FRMD5: variants seen among roughly 807,000 people sequenced by gnomAD.
FRMD5 encodes FERM domain-containing protein 5.
FRMD5 carries 20 observed loss-of-function variants against 69.0 expected under a neutral mutation model. The observed-to-expected ratio is 0.29, with a 90% CI of 0.20 to 0.42. FRMD5 has a LOEUF of 0.42. Ranked by LOEUF, FRMD5 falls within the 10% of genes least tolerant of loss-of-function variation. The pLI is 1.00. For missense variants in FRMD5, 595 were observed against 708.6 expected, an observed-to-expected ratio of 0.84 and a Z score of 1.82; for synonymous variants, 271 against 260.1, an observed-to-expected ratio of 1.04 and a Z score of -0.40.
In FRMD5 at chr15:43,902,376, G is replaced by A. The variant is rs1190309093; in HGVS notation, c.552-114C>T. ...GAGCCACACATCTCAGTTTGTCTAG[G>A]GTGTGCTCCCTGCTTGGTTCTAGGA... On this transcript the variant is annotated intron_variant, in intron 6 of 13. Transcript: ENST00000417257. The A allele has an allele frequency of 6.8e-6, 6 of 876,996 alleles. No homozygotes were observed. The African/African-American group carries it at 8.3e-5, about 12-fold the overall frequency. The allele number at this position is 876,996 out of a possible 1,614,324, so 54.3% of individuals were successfully genotyped here. A position where few individuals can be genotyped will look rare whatever the true frequency, so the allele number is the denominator to read the frequency against.
At chr15:44,017,614 C>CTTT (rs34121302) in intron 1 of FRMD5, among the ~76,000 whole-genome samples, 3 of 135,322 alleles carry the variant, frequency 2.2e-5, no homozygotes, top group Non-Finnish European at 3.2e-5. Flanking sequence ...CCAAATATTT[C>CTTT]TTTTTTTTTT....
chr15:44,088,115 G>C (rs1370135071), intron 1 of FRMD5, among the ~76,000 whole-genome samples: 2 of 152,108 alleles, frequency 1.3e-5, no homozygotes, highest in African/African-American at 4.8e-5. Context: ...TTCTAGTTGA[G>C]ATAGGCAAAA....
At chr15:44,158,762 A>C (rs1048302037) in intron 1 of FRMD5, among the ~76,000 whole-genome samples, 26 of 152,228 alleles carry the variant, frequency 1.7e-4, no homozygotes, top group African/African-American at 6.0e-4. Flanking sequence ...ATCAAGAGCT[A>C]ATTTGCATAG....
chr15:44,142,129 G>A (rs2077283203), intron 1 of FRMD5, among the ~76,000 whole-genome samples: 2 of 152,224 alleles, frequency 1.3e-5, no homozygotes, highest in South Asian at 2.1e-4. Context: ...GATTTAAAAT[G>A]TTGATCAAGA....
At chr15:43,883,882 C>T in intron 12 of FRMD5, 73 bp from the exon 13 acceptor site, 1 of 1,068,124 alleles carries the variant, frequency 9.4e-7, no homozygotes, top group South Asian at 1.3e-5. Flanking sequence ...GAATTGAGTA[C>T]TGGCTACTAG....
chr15:44,035,864 G>A (rs1420108962), intron 1 of FRMD5, among the ~76,000 whole-genome samples: 1 of 152,154 alleles, frequency 6.6e-6, no homozygotes, highest in South Asian at 2.1e-4. Context: ...GGTGACATCA[G>A]GTACTTTGTA....
chr15:44,098,143 C>A (rs2076582400), intron 1 of FRMD5, among the ~76,000 whole-genome samples: 1 of 148,560 alleles, frequency 6.7e-6, no homozygotes, highest in Non-Finnish European at 1.5e-5. Context: ...ACAACAACAA[C>A]AAAAAACTAA....
chr15:43,958,573 C>T (rs1595560344), intron 1 of FRMD5, among the ~76,000 whole-genome samples: 2 of 152,256 alleles, frequency 1.3e-5, no homozygotes, highest in East Asian at 3.9e-4. Flanking sequence ...ACTGGGACTA[C>T]AGGTGTGTGT....
At chr15:43,921,643 A>G (rs1045262191) in intron 2 of FRMD5, among the ~76,000 whole-genome samples, 7 of 152,202 alleles carry the variant, frequency 4.6e-5, no homozygotes, top group African/African-American at 1.4e-4. Flanking sequence ...ACTAGCAAAC[A>G]GACAACATGG....
intron 12 of FRMD5, among the ~76,000 whole-genome samples, chr15:43,884,483 T>C (rs3742982): frequency 0.16 from 24,431 of 152,098 alleles, 2,572 homozygotes; most frequent in African/African-American, 0.28. Context: ...CAGAAGAGAA[T>C]TGCCAAGTGA....
At chr15:43,998,333 AAAG>A (rs1265874945) in intron 1 of FRMD5, among the ~76,000 whole-genome samples, 1 of 152,228 alleles carries the variant, frequency 6.6e-6, no homozygotes, top group African/African-American at 2.4e-5. Flanking sequence ...GAAGACAAGT[AAAG>A]AAATCATTTC....
At chr15:43,990,033 C>T (rs1488164953) in intron 1 of FRMD5, 10 of 802,228 alleles carry the variant, frequency 1.2e-5, no homozygotes, top group African/African-American at 1.2e-4. Flanking sequence ...CATAGGAGTC[C>T]TTCTGACCCA....
At chr15:44,178,234 A>T (rs1252071389) in intron 1 of FRMD5, among the ~76,000 whole-genome samples, 2 of 152,154 alleles carry the variant, frequency 1.3e-5, no homozygotes, top group Non-Finnish European at 2.9e-5. Flanking sequence ...TCACACAAGG[A>T]GAATCGCTTG....
intron 1 of FRMD5, among the ~76,000 whole-genome samples, chr15:44,009,805 T>A (rs140592775): frequency 4.4e-4 from 67 of 152,242 alleles, no homozygotes; most frequent in African/African-American, 1.5e-3. Flanking sequence ...TTGCTCCAGG[T>A]CCCAGGCTTA....
rs540243419 is a variant in FRMD5 at position 44,092,380 on chromosome 15, C to T, written c.102+102573G>A. The stretch of plus-strand genomic sequence containing the variant: ...ATTCTATTTGGTGCTGCCAAATTAA[C>T]GTTGCTAAGATACAGCTGTGATTCA... On this transcript the variant is annotated intron_variant, in intron 1 of 13. Transcript: ENST00000417257. Among the ~76,000 whole-genome samples, 7 of 152,326 alleles carry T rather than the reference C, an allele frequency of 4.6e-5. No homozygotes were observed. The East Asian group carries it at 1.3e-3, about 29-fold the overall frequency.
chr15:44,162,263 CTTT>C (rs11357741), intron 1 of FRMD5, among the ~76,000 whole-genome samples: 19 of 125,026 alleles, frequency 1.5e-4, no homozygotes, highest in Admixed American at 3.2e-4. Flanking sequence ...CGTGCCAGGC[CTTT>C]TTTTTTTTTT....
chr15:44,181,373 T>C (rs1324844798), intron 1 of FRMD5, among the ~76,000 whole-genome samples: 2 of 152,096 alleles, frequency 1.3e-5, no homozygotes, highest in Non-Finnish European at 2.9e-5. Context: ...GCAATAGTTA[T>C]AGATACACAA....
upstream of FRMD5, among the ~76,000 whole-genome samples, chr15:44,197,507 C>A (rs2078320639): frequency 6.6e-6 from 1 of 151,218 alleles, no homozygotes; most frequent in South Asian, 2.1e-4. Flanking sequence ...CATGGTGAAA[C>A]CCTGTCTCTA....
chr15:44,059,214 A>G (rs1853393862), intron 1 of FRMD5, among the ~76,000 whole-genome samples: 1 of 152,230 alleles, frequency 6.6e-6, no homozygotes, highest in African/African-American at 2.4e-5. Flanking sequence ...TATTATCTTA[A>G]GAGCTGTAGT....
Sources: gnomAD v4.1 joint callset for allele counts (sites outside exome capture counted in the v4.1 genomes callset) on GRCh38, gnomAD v4.1.1 for gene constraint, MANE v1.5 for transcripts, NCBI Gene and HGNC (gene_info 2026-07-23, HGNC 2026-07-21) for gene names.